KCNJ6: variants seen among roughly 807,000 people sequenced by gnomAD.
KCNJ6 encodes potassium inwardly rectifying channel subfamily J member 6.
KCNJ6 carries 9 observed loss-of-function variants against 34.2 expected under a neutral mutation model. That is an observed-to-expected ratio of 0.26 (90% CI 0.16 to 0.46). KCNJ6 has a LOEUF of 0.46. Ranked by LOEUF, KCNJ6 falls within the 20% of genes least tolerant of loss-of-function variation. KCNJ6 has a pLI of 1.00. For missense variants in KCNJ6, 236 were observed against 531.3 expected, an observed-to-expected ratio of 0.44 and a Z score of 5.46; for synonymous variants, 196 against 207.1, an observed-to-expected ratio of 0.95 and a Z score of 0.46.
chr21:37,714,518 C>T lies in KCNJ6; in HGVS notation c.639G>A (p.Met213Ile). 1 of 1,614,188 alleles carries T rather than the reference C, an allele frequency of 6.2e-7. No individual in the cohort carries two copies. The highest frequency in any genetic ancestry group is 8.5e-7 in the Non-Finnish European group (1 of 1,180,046). ...LVFSTHAVISMRDGKLCLMFR... is the reference protein window; with the variant it reads ...LVFSTHAVISIRDGKLCLMFR... ...ACATCAGGCACAGTTTCCCATCCCG[C>T]ATGGAGATCACTGCATGGGTGGAAA... Residue 213 changes from methionine (M) to isoleucine (I), a missense_variant, in exon 3 of 4, where the codon ATG (methionine) becomes ATA (isoleucine). Met to Ile is a conservative substitution (Grantham distance 10). Coordinates refer to ENST00000609713, the MANE Select transcript of KCNJ6 (RefSeq NM_002240.5). This position sits in a 1 kb window ranked among gnomAD's most constrained non-coding sequence, Gnocchi z 5.9.
intron 1 of KCNJ6, among the ~76,000 whole-genome samples, chr21:37,842,240 T>G (rs1004519854): frequency 6.6e-6 from 1 of 152,234 alleles, no homozygotes; most frequent in Non-Finnish European, 1.5e-5. Flanking sequence ...CCAGCCCCTC[T>G]GCCATCGACA....
chr21:37,867,940 T>G (rs545168911), intron 1 of KCNJ6, among the ~76,000 whole-genome samples: 23 of 152,322 alleles, frequency 1.5e-4, no homozygotes, highest in African/African-American at 5.1e-4. Flanking sequence ...GGCCTTTATA[T>G]AGCAGGTAGC....
At chr21:37,670,671 G>A (rs1413428581) in intron 3 of KCNJ6, among the ~76,000 whole-genome samples, 2 of 152,154 alleles carry the variant, frequency 1.3e-5, no homozygotes, top group South Asian at 2.1e-4. Flanking sequence ...GGGCTGAGGT[G>A]GGAGAATTAC....
At chr21:37,832,691 G>C (rs1249083108) in intron 2 of KCNJ6, among the ~76,000 whole-genome samples, 2 of 152,138 alleles carry the variant, frequency 1.3e-5, no homozygotes, top group Non-Finnish European at 2.9e-5. Context: ...CCCTTAACCT[G>C]CTCAGCTCTG....
chr21:37,770,517 T>C (rs2055113015), intron 2 of KCNJ6, among the ~76,000 whole-genome samples: 1 of 152,168 alleles, frequency 6.6e-6, no homozygotes, highest in South Asian at 2.1e-4. Context: ...AGAGTGTGTC[T>C]GGAATACAGG....
chr21:37,713,725 C>T lies in KCNJ6; in HGVS notation c.946+486G>A, dbSNP rs145951789. Among the ~76,000 whole-genome samples, 364 of 152,290 alleles carry T rather than the reference C, an allele frequency of 2.4e-3. 5 individuals carry two copies. Among genetic ancestry groups the T allele is most frequent in the African/African-American group, 8.2e-3 (341 of 41,570 alleles). On this transcript the variant is annotated intron_variant, in intron 3 of 3. Transcript: ENST00000609713. Reference sequence around the variant, plus strand: ...AATGTGGAGAGATACTAGGCACTCACTTCATACAAAAGAAAAACCAATGCT... The same window carrying T: ...AATGTGGAGAGATACTAGGCACTCATTTCATACAAAAGAAAAACCAATGCT...
intron 3 of KCNJ6, among the ~76,000 whole-genome samples, chr21:37,704,877 T>C (rs1461118414): frequency 6.6e-6 from 1 of 152,100 alleles, no homozygotes; most frequent in Non-Finnish European, 1.5e-5. Flanking sequence ...CTGGCCGCAC[T>C]TTGGGTTACA....
chr21:37,625,557 CAGG>C, intron 3 of KCNJ6, 73 bp from the exon 4 acceptor site: 1 of 1,115,612 alleles, frequency 9.0e-7, no homozygotes, highest in South Asian at 1.5e-5. Context: ...CACAGAGAGC[CAGG>C]AGGAGTACTG....
chr21:37,679,181 A>C (rs2123416463), intron 3 of KCNJ6, among the ~76,000 whole-genome samples: 1 of 152,316 alleles, frequency 6.6e-6, no homozygotes, highest in East Asian at 1.9e-4. Flanking sequence ...AGCCCCAGTC[A>C]AGCCTTCAGA....
chr21:37,878,585 A>G (rs551839958), intron 1 of KCNJ6, among the ~76,000 whole-genome samples: 2 of 152,362 alleles, frequency 1.3e-5, no homozygotes, highest in South Asian at 4.1e-4. Context: ...TGAAAGATGG[A>G]AGAGCTTAGC....
Position 37,708,149 on chromosome 21 carries a change from G to T in KCNJ6, c.946+6062C>A, listed in dbSNP as rs191417514. Among the ~76,000 whole-genome samples the T allele has an allele frequency of 2.0e-4, 30 of 152,234 alleles. No individual in the cohort carries two copies. In the East Asian group the frequency reaches 5.2e-3, roughly 26 times the overall value. On this transcript the variant is annotated intron_variant, in intron 3 of 3. Coordinates refer to ENST00000609713, the MANE Select transcript of KCNJ6 (RefSeq NM_002240.5). ...TATTGGTGAACAATGAACAATTTTTGCCTTTTTCAATCACAGTAATATATG... is the reference window on the plus strand; with the variant it reads ...TATTGGTGAACAATGAACAATTTTTTCCTTTTTCAATCACAGTAATATATG...
intron 3 of KCNJ6, among the ~76,000 whole-genome samples, chr21:37,713,788 T>C (rs1027753209): frequency 2.0e-5 from 3 of 152,120 alleles, no homozygotes; most frequent in African/African-American, 7.2e-5. Context: ...ATGGGTGAAA[T>C]TGCATTTTTA....
intron 3 of KCNJ6, among the ~76,000 whole-genome samples, chr21:37,645,885 G>A (rs2054401831): frequency 2.1e-5 from 1 of 47,700 alleles, no homozygotes; most frequent in Admixed American, 2.8e-4. Context: ...GTGATCTGCT[G>A]GAAGTCCCTC....
At chr21:37,687,310 T>C (rs147373080) in intron 3 of KCNJ6, among the ~76,000 whole-genome samples, 1 of 152,244 alleles carries the variant, frequency 6.6e-6, no homozygotes, top group African/African-American at 2.4e-5. Context: ...ACTTTTCAGT[T>C]GTCATGCAAG....
intron 3 of KCNJ6, among the ~76,000 whole-genome samples, chr21:37,641,098 G>T: frequency 6.6e-6 from 1 of 152,172 alleles, no homozygotes; most frequent in East Asian, 1.9e-4. Flanking sequence ...AGTATCCAGT[G>T]CTCACCCCAT....
chr21:37,740,460 A>G (rs2054935612), intron 2 of KCNJ6, among the ~76,000 whole-genome samples: 1 of 152,240 alleles, frequency 6.6e-6, no homozygotes, highest in Non-Finnish European at 1.5e-5. Flanking sequence ...CCCATTGTCG[A>G]CTAGAAAACA....
At chr21:37,721,003 G>A (rs2054823578) in intron 2 of KCNJ6, among the ~76,000 whole-genome samples, 1 of 152,040 alleles carries the variant, frequency 6.6e-6, no homozygotes, top group Non-Finnish European at 1.5e-5. Flanking sequence ...CACCGCGCCC[G>A]GCCGAGAAAA....
chr21:37,703,607 G>A (rs1017546037), intron 3 of KCNJ6, among the ~76,000 whole-genome samples: 1 of 152,180 alleles, frequency 6.6e-6, no homozygotes, highest in African/African-American at 2.4e-5. Context: ...ACCCTGGGGT[G>A]AGACATATGA....
At chr21:37,818,764 C>A (rs556489575) in intron 2 of KCNJ6, among the ~76,000 whole-genome samples, 15 of 152,200 alleles carry the variant, frequency 9.9e-5, no homozygotes, top group Non-Finnish European at 2.1e-4. Flanking sequence ...GATTTTTCAC[C>A]TTTCCCTCAT....
Sources: allele counts gnomAD v4.1 joint callset (sites outside exome capture counted in the v4.1 genomes callset), GRCh38; gene constraint gnomAD v4.1.1; non-coding constraint Gnocchi (gnomAD v3.1); transcripts MANE v1.5; gene names NCBI Gene and HGNC (gene_info 2026-07-23, HGNC 2026-07-21).